Variants in KLHL13 observed in about 807,000 individuals in gnomAD.
The protein encoded by KLHL13 is kelch-like protein 13.
Under a neutral mutation model 37.1 loss-of-function variants are expected in KLHL13, and 10 were observed. The observed-to-expected ratio is 0.27, with a 90% CI of 0.17 to 0.46. KLHL13 has a LOEUF of 0.46. Ranked by LOEUF, KLHL13 falls within the 20% of genes least tolerant of loss-of-function variation. The pLI, the probability that KLHL13 is intolerant of heterozygous loss-of-function variation, is 1.00. For missense variants in KLHL13, 360 were observed against 509.3 expected, an observed-to-expected ratio of 0.71 and a Z score of 2.82; for synonymous variants, 163 against 181.2, an observed-to-expected ratio of 0.90 and a Z score of 0.81.
At chrX:118,107,454 A>G (rs896910251) in intron 1 of KLHL13, among the ~76,000 whole-genome samples, 3 of 111,874 alleles carry the variant, frequency 2.7e-5, no homozygotes, top group Non-Finnish European at 5.6e-5. Flanking sequence ...TTCCCCTCAC[A>G]TTTCTGCTTC....
chrX:118,087,368 C>G (rs2148141105), intron 1 of KLHL13, among the ~76,000 whole-genome samples: 1 of 109,414 alleles, frequency 9.1e-6, no homozygotes, highest in South Asian at 3.9e-4. Context: ...AAACTTCTAT[C>G]CACTGAATCT....
intron 1 of KLHL13, among the ~76,000 whole-genome samples, chrX:117,986,379 C>T (rs1289534459): frequency 9.0e-6 from 1 of 111,513 alleles, no homozygotes. Flanking sequence ...AAAGTGGGTA[C>T]ATAGTGTTGA....
At chrX:118,032,393 T>A (rs2054364644) in intron 1 of KLHL13, among the ~76,000 whole-genome samples, 1 of 111,878 alleles carries the variant, frequency 8.9e-6, no homozygotes, top group African/African-American at 3.3e-5. Context: ...GCTGGAGATC[T>A]GAGAACGGGC....
At chrX:118,048,231 C>A (rs754934652) in intron 1 of KLHL13, among the ~76,000 whole-genome samples, 1 of 111,474 alleles carries the variant, frequency 9.0e-6, no homozygotes, top group Non-Finnish European at 1.9e-5. Flanking sequence ...ATAGGAGATA[C>A]TAGAGCAGGT....
chrX:117,981,290 T>C (rs2053658893), intron 1 of KLHL13, among the ~76,000 whole-genome samples: 1 of 112,292 alleles, frequency 8.9e-6, no homozygotes, highest in African/African-American at 3.2e-5. Flanking sequence ...TTGGATGCAA[T>C]GGCTATCCAA....
exon 1 of KLHL13, chrX:117,973,678 A>G (rs2053559563): frequency 1.2e-6 from 1 of 849,336 alleles, no homozygotes; most frequent in African/African-American, 2.2e-5. Context: ...AACATGCTGT[A>G]GTAACACAAA....
chrX:117,970,854 T>C (rs2053511748), intron 1 of KLHL13, among the ~76,000 whole-genome samples: 1 of 111,885 alleles, frequency 8.9e-6, no homozygotes, highest in Non-Finnish European at 1.9e-5. Context: ...TTCAATAATA[T>C]AGAGTGTTGT....
At chrX:117,945,832 A>G (rs1933294107) in intron 1 of KLHL13, 3 of 240,980 alleles carry the variant, frequency 1.2e-5, no homozygotes, top group Non-Finnish European at 1.5e-5. Context: ...TTATAGTCAC[A>G]GAGTTTTTAA....
intron 1 of KLHL13, among the ~76,000 whole-genome samples, chrX:118,076,882 TCTCTTCTC>T (rs1335338947): frequency 9.2e-6 from 1 of 108,468 alleles, no homozygotes; most frequent in African/African-American, 3.4e-5. Flanking sequence ...TCTCCTTTCT[TCTCTTCTC>T]CTCTTCTCTT....
intron 1 of KLHL13, among the ~76,000 whole-genome samples, chrX:118,018,541 C>T (rs1305290565): frequency 9.0e-6 from 1 of 111,664 alleles, no homozygotes; most frequent in Non-Finnish European, 1.9e-5. Context: ...TGAAGATTTG[C>T]TTTGCCAAAT....
intron 1 of KLHL13, among the ~76,000 whole-genome samples, chrX:118,074,693 A>G (rs188263982): frequency 6.3e-5 from 7 of 111,668 alleles, no homozygotes; most frequent in African/African-American, 2.0e-4. Context: ...TGAAAACTGG[A>G]CCTCCAGTAA....
At chrX:117,994,084 A>T in intron 1 of KLHL13, among the ~76,000 whole-genome samples, 1 of 111,852 alleles carries the variant, frequency 8.9e-6, no homozygotes, top group East Asian at 2.8e-4. Context: ...TTTCAAAAGC[A>T]AATTTTGCTC....
intron 1 of KLHL13, among the ~76,000 whole-genome samples, chrX:118,111,592 C>T (rs554254120): frequency 2.3e-3 from 258 of 112,247 alleles, no homozygotes; most frequent in African/African-American, 7.5e-3. Context: ...ACCCTGTCTC[C>T]ACTAAAAATA....
chrX:118,036,792 C>G (rs1232076938), intron 1 of KLHL13, among the ~76,000 whole-genome samples: 8 of 111,112 alleles, frequency 7.2e-5, no homozygotes, highest in Non-Finnish European at 1.3e-4. Flanking sequence ...AAACTACCAT[C>G]AGAGTGAACA....
Position 118,085,566 on chromosome X carries a change from T to C in KLHL13, c.-56+30942A>G, listed in dbSNP as rs774630649. ...GTACATGGTACCCCACAGACAGTTT[T>C]TCATCCCTCATTCTCCTCCCAATCT... On this transcript the variant is annotated intron_variant, in intron 1 of 6. Transcript: ENST00000371882. 3.6e-5 allele frequency among the ~76,000 whole-genome samples: 4 copies of C among 110,364 alleles called. No homozygotes were observed. In the South Asian group the frequency reaches 1.6e-3, roughly 44 times the overall value.
chrX:118,042,487 T>C lies in KLHL13; in HGVS notation c.-56+74021A>G, dbSNP rs763039522. Reference sequence around the variant, plus strand: ...ACAAGTATTAAAACATTCAAAAAAATTGAAGTTACATCAAGCATCTTCTCT... The same window carrying C: ...ACAAGTATTAAAACATTCAAAAAAACTGAAGTTACATCAAGCATCTTCTCT... On this transcript the variant is annotated intron_variant, in intron 1 of 6. Transcript: ENST00000371882. Among the ~76,000 whole-genome samples the C allele has an allele frequency of 1.9e-3, 215 of 111,769 alleles. 1 individual carries two copies. Among genetic ancestry groups the C allele is most frequent in the African/African-American group, 6.1e-3 (189 of 30,874 alleles).
chrX:118,076,029 G>A (rs2054924446), intron 1 of KLHL13, among the ~76,000 whole-genome samples: 1 of 111,487 alleles, frequency 9.0e-6, no homozygotes, highest in Admixed American at 9.5e-5. Context: ...CTACTCCATA[G>A]GCAGAACAGA....
chrX:118,025,423 T>C (rs912281958), intron 1 of KLHL13, among the ~76,000 whole-genome samples: 1 of 111,716 alleles, frequency 9.0e-6, no homozygotes. Flanking sequence ...ACGGGAATTA[T>C]CTCTTTGTCC....
In KLHL13 at chrX:118,027,511, TTTTTATTTTTATC is replaced by T. The variant is rs200140191; in HGVS notation, c.-55-81949_-55-81937del. 6.9e-3 allele frequency among the ~76,000 whole-genome samples: 763 copies of T among 110,695 alleles called. 6 individuals are homozygous for T. Among genetic ancestry groups the T allele is most frequent in the African/African-American group, 0.022 (674 of 30,524 alleles). The stretch of plus-strand genomic sequence containing the variant: ...GGAGCTTATATTAAGAAACAGTTGT[TTTTTATTTTTATC>T]TTTTATTTCCATTTTTTCCATGAAC... On this transcript the variant is annotated intron_variant, in intron 1 of 6. Transcript: ENST00000371882.
Sources: gnomAD v4.1 joint callset for allele counts (sites outside exome capture counted in the v4.1 genomes callset) on GRCh38, gnomAD v4.1.1 for gene constraint, MANE v1.5 for transcripts, NCBI Gene and HGNC (gene_info 2026-07-23, HGNC 2026-07-21) for gene names.